Variants in SYT9 observed in about 807,000 individuals in gnomAD.
The protein encoded by SYT9 is synaptotagmin 9, also known as synaptotagmin-9.
SYT9 carries 22 observed loss-of-function variants against 48.4 expected under a neutral mutation model. The observed-to-expected ratio is 0.45, with a 90% confidence interval of 0.32 to 0.65. SYT9 has a LOEUF of 0.65. Ranked by LOEUF, SYT9 falls within the 30% of genes least tolerant of loss-of-function variation. The pLI is 0.03. For missense variants in SYT9, 577 were observed against 622.0 expected, an observed-to-expected ratio of 0.93 and a Z score of 0.77; for synonymous variants, 265 against 245.0, an observed-to-expected ratio of 1.08 and a Z score of -0.76.
At chr11:7,353,967 G>A (rs191964826) in intron 3 of SYT9, among the ~76,000 whole-genome samples, 40 of 152,224 alleles carry the variant, frequency 2.6e-4, no homozygotes, top group Middle Eastern at 3.4e-3. Flanking sequence ...TATCTTGATT[G>A]TAATGGCTTT....
chr11:7,444,361 C>T (rs1847891407), intron 6 of SYT9: 1 of 152,222 alleles, frequency 6.6e-6, no homozygotes, highest in Non-Finnish European at 1.5e-5. Context: ...CTGGTCGTGA[C>T]CGACTTTTCT....
At chr11:7,416,233 T>A in intron 4 of SYT9, 71 bp downstream of exon 4, 1 of 1,577,804 alleles carries the variant, frequency 6.3e-7, no homozygotes, top group Non-Finnish European at 8.7e-7. Context: ...AGTTTTAGTA[T>A]GGTAATAAAG....
intron 3 of SYT9, among the ~76,000 whole-genome samples, chr11:7,328,265 G>A (rs1849470992): frequency 6.6e-6 from 1 of 151,584 alleles, no homozygotes; most frequent in South Asian, 2.1e-4. Flanking sequence ...AGTGAGATTA[G>A]TATATTTATG....
chr11:7,302,979 T>G lies in SYT9; in HGVS notation c.146-60T>G, dbSNP rs185190503. On this transcript the variant is annotated intron_variant, in intron 1 of 6. Transcript: ENST00000318881. ...TGAGAGGGTCATTCTGCCCACGCTG[T>G]GCAATGGGTGGGCTTGAGGGGAATG... The G allele has an allele frequency of 3.6e-4, 530 of 1,482,424 alleles. 3 individuals carry two copies. The African/African-American group carries it at 6.4e-3, about 18-fold the overall frequency. The allele number at this position is 1,482,424 out of a possible 1,614,324, so 91.8% of individuals were successfully genotyped here.
In SYT9 at chr11:7,454,224, CTT is replaced by C. The variant is rs1038470738; in HGVS notation, c.1468-12566_1468-12565del. 4.1e-6 allele frequency: 4 copies of C among 985,270 alleles called. No homozygotes were observed. In the African/African-American group the frequency reaches 7.0e-5, roughly 17 times the overall value. 61.0% of individuals were successfully genotyped at this position (985,270 alleles called of 1,614,324 possible). ...TACTCAAATACCCTGAGTCCCCACCCTTTCTCTCTAGCCCTTAGTTGATGTCT... is the reference window on the plus strand; with the variant it reads ...TACTCAAATACCCTGAGTCCCCACCCTCTCTCTAGCCCTTAGTTGATGTCT... On this transcript the variant is annotated intron_variant, in intron 6 of 6. Transcript: ENST00000318881.
chr11:7,401,387 C>T (rs1403623398), intron 3 of SYT9, among the ~76,000 whole-genome samples: 1 of 151,284 alleles, frequency 6.6e-6, no homozygotes, highest in Non-Finnish European at 1.5e-5. Flanking sequence ...TACCTGAAAT[C>T]TGAAGCACTT....
At chr11:7,242,692 A>G (rs1847751455) in intron 1 of SYT9, among the ~76,000 whole-genome samples, 1 of 152,206 alleles carries the variant, frequency 6.6e-6, no homozygotes, top group Non-Finnish European at 1.5e-5. Flanking sequence ...GAATAAAGTT[A>G]GGAGTAGGTA....
At chr11:7,389,264 C>G (rs945856726) in intron 3 of SYT9, among the ~76,000 whole-genome samples, 1 of 152,064 alleles carries the variant, frequency 6.6e-6, no homozygotes, top group Admixed American at 6.6e-5. Context: ...ACTGGGGACC[C>G]CTGACACAAT....
chr11:7,419,734 TA>T (rs1847315672), intron 5 of SYT9, among the ~76,000 whole-genome samples: 1 of 151,880 alleles, frequency 6.6e-6, no homozygotes, highest in African/African-American at 2.4e-5. Flanking sequence ...CCGCCTCAAC[TA>T]AAAATACAAA....
chr11:7,426,620 G>A (rs1847462952), intron 6 of SYT9, among the ~76,000 whole-genome samples: 1 of 152,010 alleles, frequency 6.6e-6, no homozygotes, highest in African/African-American at 2.4e-5. Flanking sequence ...GTTGGCCCAG[G>A]GGTCATGTTT....
rs563851920 is a variant in SYT9 at position 7,310,741 on chromosome 11, C to T, written c.498-2654C>T. 2.2e-3 allele frequency among the ~76,000 whole-genome samples: 340 copies of T among 152,198 alleles called. 2 individuals are homozygous for T. Among genetic ancestry groups the T allele is most frequent in the East Asian group, 1.2e-3 (6 of 5,168 alleles). On this transcript the variant is annotated intron_variant, in intron 2 of 6. Coordinates refer to ENST00000318881, the MANE Select transcript of SYT9 (RefSeq NM_175733.4). ...GATTACAGGCATGAGCCACTGCACC[C>T]GGCTTGTGATTGGTTTTTAAGAGGT...
chr11:7,295,477 CCAA>C (rs2133925631), intron 1 of SYT9, among the ~76,000 whole-genome samples: 1 of 152,310 alleles, frequency 6.6e-6, no homozygotes, highest in African/African-American at 2.4e-5. Context: ...TCATATACTA[CCAA>C]CATTCTGGTC....
intron 3 of SYT9, among the ~76,000 whole-genome samples, chr11:7,339,668 T>G (rs895168758): frequency 6.6e-6 from 1 of 152,146 alleles, no homozygotes; most frequent in African/African-American, 2.4e-5. Flanking sequence ...CCTTAAGAAC[T>G]TTGAATATAG....
At chr11:7,443,729 C>T (rs1056028219) in intron 6 of SYT9, among the ~76,000 whole-genome samples, 9 of 152,232 alleles carry the variant, frequency 5.9e-5, no homozygotes, top group African/African-American at 1.4e-4. Flanking sequence ...AATTCAAGAG[C>T]CACAGTCCAA....
chr11:7,422,121 G>A (rs901091653), intron 6 of SYT9, among the ~76,000 whole-genome samples: 2 of 152,214 alleles, frequency 1.3e-5, no homozygotes, highest in Non-Finnish European at 2.9e-5. Context: ...GCCTCACCCA[G>A]TGTGGGCACC....
chr11:7,327,996 G>A (rs1157315240), intron 3 of SYT9, among the ~76,000 whole-genome samples: 3 of 132,834 alleles, frequency 2.3e-5, no homozygotes, highest in Non-Finnish European at 4.8e-5. Context: ...TGGGTGCAGC[G>A]CACCAGCATG....
At chr11:7,363,002 G>A (rs1488764638) in intron 3 of SYT9, among the ~76,000 whole-genome samples, 2 of 36,092 alleles carry the variant, frequency 5.5e-5, no homozygotes, top group Non-Finnish European at 5.1e-5. Flanking sequence ...TCTTTCATCA[G>A]TTATGTCAGG....
intron 1 of SYT9, among the ~76,000 whole-genome samples, chr11:7,244,875 AC>A: frequency 6.6e-6 from 1 of 152,208 alleles, no homozygotes; most frequent in South Asian, 2.1e-4. Context: ...AGATGCTGTA[AC>A]CCAAGCAGCA....
intron 6 of SYT9, among the ~76,000 whole-genome samples, chr11:7,442,542 C>A (rs770985775): frequency 6.6e-6 from 1 of 152,178 alleles, no homozygotes; most frequent in Non-Finnish European, 1.5e-5. Flanking sequence ...TTTCCACACA[C>A]CTTCACCCCC....
Sources: gnomAD v4.1 joint callset for allele counts (sites outside exome capture counted in the v4.1 genomes callset) on GRCh38, gnomAD v4.1.1 for gene constraint, MANE v1.5 for transcripts, NCBI Gene and HGNC (gene_info 2026-07-23, HGNC 2026-07-21) for gene names.